The following CTNND2 variants were observed in gnomAD, a reference collection of about 807,000 sequenced individuals.
The protein encoded by CTNND2 is catenin delta 2, also known as catenin delta-2.
CTNND2 carries 22 observed loss-of-function variants against 144.4 expected under a neutral mutation model. The ratio of observed to expected loss-of-function variants is 0.15; its 90% CI spans 0.11 to 0.22. CTNND2 has a LOEUF of 0.22. CTNND2 is among the 10% of genes least tolerant of loss of function. The probability of loss-of-function intolerance (pLI) is 1.00; values close to 1 mark genes in which losing one functional copy is unlikely to be tolerated. For synonymous variants in CTNND2, 751 were observed against 695.6 expected (o/e 1.08, Z -1.25); for missense variants, 1,353 against 1,618.8 (o/e 0.84, Z 2.82).
intron 5 of CTNND2, among the ~76,000 whole-genome samples, chr5:11,404,088 G>C (rs1760869324): frequency 6.6e-6 from 1 of 152,158 alleles, no homozygotes; most frequent in South Asian, 2.1e-4. Flanking sequence ...TCCAACAGAA[G>C]AATATGCAGC....
At chr5:11,197,988 C>T (rs896176999) in intron 11 of CTNND2, among the ~76,000 whole-genome samples, 2 of 152,208 alleles carry the variant, frequency 1.3e-5, no homozygotes, top group East Asian at 1.9e-4. Context: ...CTTCCTTTCT[C>T]GTGGCTTCAT....
At chr5:11,320,614 G>A (rs1338259711) in intron 9 of CTNND2, among the ~76,000 whole-genome samples, 3 of 152,190 alleles carry the variant, frequency 2.0e-5, no homozygotes, top group African/African-American at 7.2e-5. Context: ...GCAAGGAAGA[G>A]CAAGTCACAT....
At chr5:10,985,042 C>G (rs1737763551) in intron 20 of CTNND2, among the ~76,000 whole-genome samples, 1 of 151,736 alleles carries the variant, frequency 6.6e-6, no homozygotes, top group Non-Finnish European at 1.5e-5. Flanking sequence ...CCACTGCACT[C>G]CAGCCTGGGC....
At chr5:11,188,420 G>A (rs568914458) in intron 11 of CTNND2, among the ~76,000 whole-genome samples, 2 of 152,256 alleles carry the variant, frequency 1.3e-5, no homozygotes, top group South Asian at 4.1e-4. Context: ...GGAGCACATG[G>A]ACACAGGGAG....
chr5:11,035,401 T>G (rs1743959414), intron 16 of CTNND2, among the ~76,000 whole-genome samples: 1 of 152,216 alleles, frequency 6.6e-6, no homozygotes, highest in African/African-American at 2.4e-5. Context: ...GGGCCTTTCT[T>G]GTGTCACATC....
At chr5:11,572,969 T>A (rs1479922860) in intron 2 of CTNND2, among the ~76,000 whole-genome samples, 1 of 152,150 alleles carries the variant, frequency 6.6e-6, no homozygotes, top group East Asian at 1.9e-4. Context: ...ATTATCATTG[T>A]CTAAACTTTT....
At chr5:11,542,196 C>T (rs1332733903) in intron 3 of CTNND2, among the ~76,000 whole-genome samples, 3 of 152,082 alleles carry the variant, frequency 2.0e-5, no homozygotes. Flanking sequence ...AGATTCTAAC[C>T]CGGATCCCTG....
At chr5:11,696,663 A>G (rs891801068) in intron 2 of CTNND2, among the ~76,000 whole-genome samples, 1 of 152,210 alleles carries the variant, frequency 6.6e-6, no homozygotes, top group African/African-American at 2.4e-5. Context: ...CAAATTCATG[A>G]TACTTAGAGC....
At chr5:11,297,553 T>C (rs1400831014) in intron 9 of CTNND2, among the ~76,000 whole-genome samples, 1 of 152,214 alleles carries the variant, frequency 6.6e-6, no homozygotes, top group Non-Finnish European at 1.5e-5. Flanking sequence ...AAATGGTTTA[T>C]GATCATAACT....
At chr5:11,241,686 AG>A (rs1242199084) in intron 9 of CTNND2, among the ~76,000 whole-genome samples, 1 of 152,242 alleles carries the variant, frequency 6.6e-6, no homozygotes, top group Non-Finnish European at 1.5e-5. Flanking sequence ...TGTTTCGCTT[AG>A]ATGAGATTCC....
At chr5:10,994,485 G>A (rs1332939054) in intron 18 of CTNND2, among the ~76,000 whole-genome samples, 1 of 144,170 alleles carries the variant, frequency 6.9e-6, no homozygotes, top group Non-Finnish European at 1.5e-5. Context: ...CGGGGAAGGA[G>A]GGGCGGGGTG....
At chr5:11,660,036 G>A (rs992301702) in intron 2 of CTNND2, among the ~76,000 whole-genome samples, 1 of 152,098 alleles carries the variant, frequency 6.6e-6, no homozygotes, top group African/African-American at 2.4e-5. Flanking sequence ...TTCTTTAGCT[G>A]TCAATAAAGA....
At chr5:11,788,693 T>C (rs1790973783) in intron 1 of CTNND2, among the ~76,000 whole-genome samples, 2 of 152,164 alleles carry the variant, frequency 1.3e-5, no homozygotes, top group South Asian at 4.1e-4. Context: ...TTATTATTTA[T>C]TATACTTTAA....
intron 1 of CTNND2, among the ~76,000 whole-genome samples, chr5:11,797,079 C>T (rs956822144): frequency 2.0e-5 from 3 of 152,200 alleles, no homozygotes; most frequent in South Asian, 2.1e-4. Context: ...TTACAGATCC[C>T]GAAAATGGCA....
intron 18 of CTNND2, among the ~76,000 whole-genome samples, chr5:11,003,678 A>G (rs1740191733): frequency 6.6e-6 from 1 of 152,206 alleles, no homozygotes; most frequent in Non-Finnish European, 1.5e-5. Flanking sequence ...GCTCCCATCT[A>G]TTTTTAAGGT....
chr5:11,364,595 T>C (rs1008610095), intron 8 of CTNND2, 101 bp downstream of exon 8: 6 of 909,714 alleles, frequency 6.6e-6, no homozygotes, highest in Admixed American at 3.6e-5. Flanking sequence ...GTGGGGATAG[T>C]GGACACAGAC....
chr5:11,352,558 C>T (rs1273007324), intron 8 of CTNND2, among the ~76,000 whole-genome samples: 1 of 151,984 alleles, frequency 6.6e-6, no homozygotes, highest in Non-Finnish European at 1.5e-5. Context: ...ACTTAAACAA[C>T]AACAAAAAAA....
chr5:11,664,551 A>C (rs1783451482), intron 2 of CTNND2, among the ~76,000 whole-genome samples: 1 of 152,232 alleles, frequency 6.6e-6, no homozygotes, highest in Non-Finnish European at 1.5e-5. Flanking sequence ...ACTGCACTCC[A>C]GCCTGGTGAC....
At chr5:11,133,636 G>C (rs183910510) in intron 12 of CTNND2, among the ~76,000 whole-genome samples, 1 of 152,104 alleles carries the variant, frequency 6.6e-6, no homozygotes, top group Non-Finnish European at 1.5e-5. Flanking sequence ...ACAGGCATGA[G>C]CCACCACGCC....
Sources: gnomAD v4.1 joint callset for allele counts (sites outside exome capture counted in the v4.1 genomes callset) on GRCh38, gnomAD v4.1.1 for gene constraint, MANE v1.5 for transcripts, NCBI Gene and HGNC (gene_info 2026-07-23, HGNC 2026-07-21) for gene names.